The following WTIP variants were observed in gnomAD, a reference collection of about 807,000 sequenced individuals.
The protein encoded by WTIP is WT1 interacting protein, also known as Wilms tumor protein 1-interacting protein.
WTIP carries 23 observed loss-of-function variants against 41.7 expected under a neutral mutation model. The ratio of observed to expected loss-of-function variants is 0.55; its 90% CI spans 0.40 to 0.78. The LOEUF (loss-of-function observed/expected upper bound fraction) is 0.78, where lower values mean the gene tolerates loss of function less well. Among genes scored for constraint, WTIP ranks in the 30% least tolerant of loss-of-function variants. The pLI is 0.00. For missense variants in WTIP, 619 were observed against 610.5 expected (o/e 1.01, Z -0.15); for synonymous variants, 314 against 269.9 (o/e 1.16, Z -1.60).
In WTIP at chr19:34,482,132, G is replaced by T; in HGVS notation, c.158G>T (p.Gly53Val). ...DEAAPALGRR[G>V]KGSGGPEAGA... ...GCGGCGCCCGCGCTGGGCCGCAGAG[G>T]GAAGGGCAGCGGCGGCCCCGAGGCC... is the stretch of plus-strand genomic sequence containing the variant. The change falls in exon 1 of 8, where the codon GGG becomes GTG. Residue 53 changes from glycine to valine, a missense_variant. Around this residue, in one of 3 missense-constraint regions of WTIP, gnomAD observed 363 missense variants for 309.0 expected, o/e 1.17. Coordinates refer to ENST00000590071, the MANE Select transcript of WTIP (RefSeq NM_001080436.2). 1 of 1,056,260 alleles carries T rather than the reference G, an allele frequency of 9.5e-7. No individual in the cohort carries two copies. Among genetic ancestry groups the T allele is most frequent in the Non-Finnish European group, 1.1e-6 (1 of 877,488 alleles). 65.4% of individuals were successfully genotyped at this position (1,056,260 alleles called of 1,614,324 possible). A position where few individuals can be genotyped will look rare whatever the true frequency, so the allele number is the denominator to read the frequency against.
rs1228092045 is a variant in WTIP at position 34,490,398 on chromosome 19, TGGCATCTACGGAGCCCAGCA to T, written c.694_713del (p.Ile232ValfsTer11). On this transcript the variant is annotated frameshift_variant, in exon 2 of 8. Transcript: ENST00000590071. LOFTEE classifies it high-confidence loss of function. ...TAGGCATTTGCATCAAGTGTGGGCT[TGGCATCTACGGAGCCCAGCA>T]GGCGTGCCAGGCAATGGGGAGTCTT... is the stretch of plus-strand genomic sequence containing the variant. 1 of 1,613,908 alleles carries T rather than the reference TGGCATCTACGGAGCCCAGCA, an allele frequency of 6.2e-7. No homozygotes were observed. Among genetic ancestry groups the T allele is most frequent in the Non-Finnish European group, 8.5e-7 (1 of 1,179,900 alleles).
At chr19:34,482,856 C>G in intron 1 of WTIP, 2 of 937,360 alleles carry the variant, frequency 2.1e-6, no homozygotes, top group Non-Finnish European at 1.3e-6. Context: ...GCGGCTTCAC[C>G]CCTGCCTCTG....
At position 34,487,102 on chromosome 19, in the gene WTIP, C is replaced by CAT. The variant is rs748323710; in HGVS notation, c.668-3274_668-3273insAT. Among the ~76,000 whole-genome samples the CAT allele has an allele frequency of 1.1e-3, 105 of 96,736 alleles. 1 individual carries two copies. Among genetic ancestry groups the CAT allele is most frequent in the African/African-American group, 5.1e-3 (100 of 19,642 alleles). The allele number at this position is 96,736 out of a possible 152,430, so 63.5% of individuals were successfully genotyped here. ...AGCCACCAAGCCCAGTCCCTGCCTG[C>CAT]TTTTTTTTTTTTTTTTTTTTGAGAC... On this transcript the variant is annotated intron_variant, in intron 1 of 7. Coordinates refer to ENST00000590071, the MANE Select transcript of WTIP (RefSeq NM_001080436.2).
At chr19:34,482,932 A>C (rs1460835016) in intron 1 of WTIP, among the ~76,000 whole-genome samples, 1 of 150,922 alleles carries the variant, frequency 6.6e-6, no homozygotes, top group Non-Finnish European at 1.5e-5. Flanking sequence ...TTAACAGGCA[A>C]GTCAGGTTCA....
intron 1 of WTIP, 25 bp downstream of exon 1, chr19:34,482,666 C>T (rs948310738): frequency 1.3e-5 from 16 of 1,225,586 alleles, no homozygotes; most frequent in South Asian, 4.2e-5. Context: ...CCCGGCAGTT[C>T]CCTGCGCGCA....
chr19:34,482,323 C>A lies in WTIP; in HGVS notation c.349C>A (p.Arg117Ser). Residue 117 changes from arginine (R) to serine (S), a missense_variant, in exon 1 of 8, where the codon CGC becomes AGC. Coordinates refer to ENST00000590071, the MANE Select transcript of WTIP (RefSeq NM_001080436.2). Reference sequence around the variant, plus strand: ...CGGCATCAGCCTGGGCTACGACCAGCGCCACGGCAGCCCGCGCTCCGGTCG... The same window carrying A: ...CGGCATCAGCCTGGGCTACGACCAGAGCCACGGCAGCCCGCGCTCCGGTCG... ...SSGISLGYDQ[R>S]HGSPRSGRSD... 1 of 1,383,232 alleles carries A rather than the reference C, an allele frequency of 7.2e-7. No individual in the cohort carries two copies. The highest frequency in any genetic ancestry group is 1.4e-5 in the South Asian group (1 of 71,128). The allele number at this position is 1,383,232 out of a possible 1,614,324, so 85.7% of individuals were successfully genotyped here. A position where few individuals can be genotyped will look rare whatever the true frequency, so the allele number is the denominator to read the frequency against.
At chr19:34,495,139 T>C (rs1029932000) in intron 6 of WTIP, among the ~76,000 whole-genome samples, 3 of 152,186 alleles carry the variant, frequency 2.0e-5, no homozygotes, top group Non-Finnish European at 4.4e-5. Flanking sequence ...CCCACGCCTG[T>C]AATCCCAGCA....
At chr19:34,482,760 C>T (rs1368630257) in intron 1 of WTIP, 119 bp downstream of exon 1, 14 of 1,200,316 alleles carry the variant, frequency 1.2e-5, no homozygotes, top group Admixed American at 4.4e-5. Context: ...GGGGGTGCAG[C>T]AGTGCACGGG....
At position 34,494,391 on chromosome 19, in the gene WTIP, T is replaced by TA. The variant is rs1238384563; in HGVS notation, c.1032-182dup. On this transcript the variant is annotated intron_variant, in intron 5 of 7. Transcript: ENST00000590071. ...CAACATAGTGAGACCCCATTTCTAT[T>TA]AAAAAAAAAAAAAGAAGAGGCCAGT... Among the ~76,000 whole-genome samples the TA allele has an allele frequency of 4.9e-3, 692 of 140,764 alleles. 5 individuals are homozygous for TA. The highest frequency in any genetic ancestry group is 0.013 in the African/African-American group (496 of 38,294). The allele number at this position is 140,764 out of a possible 152,430, so 92.3% of individuals were successfully genotyped here. A position where few individuals can be genotyped will look rare whatever the true frequency, so the allele number is the denominator to read the frequency against.
At position 34,482,499 on chromosome 19, in the gene WTIP, G is replaced by T. The variant is rs1290779119; in HGVS notation, c.525G>T (p.Ala175=). The T allele has an allele frequency of 6.5e-6, 8 of 1,234,648 alleles. No homozygotes were observed. The highest frequency in any genetic ancestry group is 8.1e-6 in the Non-Finnish European group (8 of 991,500). The allele number at this position is 1,234,648 out of a possible 1,614,324, so 76.5% of individuals were successfully genotyped here. A position where few individuals can be genotyped will look rare whatever the true frequency, so the allele number is the denominator to read the frequency against. ...CPAPARSPEP[A]GPAPFPLPAL... is the part of the protein sequence containing the mutation. ...CGCCCGCTCGCTCCCCGGAGCCTGC[G>T]GGGCCGGCTCCCTTCCCGCTGCCTG... The change falls in exon 1 of 8, where the codon GCG becomes GCT. Residue 175 remains alanine (A), a synonymous_variant. Transcript: ENST00000590071.
At chr19:34,498,173 G>T (rs781134105) in intron 7 of WTIP, among the ~76,000 whole-genome samples, 4 of 152,132 alleles carry the variant, frequency 2.6e-5, no homozygotes, top group African/African-American at 7.2e-5. Context: ...GGTGTCAGGG[G>T]CTCTGGGTAA....
rs1052545767 is a variant in WTIP at position 34,506,412 on chromosome 19, A to G, written c.*6143A>G. 2.0e-5 allele frequency: 3 copies of G among 152,012 alleles called. No individual in the cohort carries two copies. The highest frequency in any genetic ancestry group is 2.1e-4 in the South Asian group (1 of 4,818). 9.4% of individuals were successfully genotyped at this position (152,012 alleles called of 1,614,324 possible). A position where few individuals can be genotyped will look rare whatever the true frequency, so the allele number is the denominator to read the frequency against. On this transcript the variant is annotated 3_prime_UTR_variant, in exon 8 of 8. Transcript: ENST00000590071. ...GGGAATTTTAACTTTTTATCATCCTATTTACTCTGGAAAGCCTTGTCTCGT... is the reference window on the plus strand; with the variant it reads ...GGGAATTTTAACTTTTTATCATCCTGTTTACTCTGGAAAGCCTTGTCTCGT...
intron 1 of WTIP, among the ~76,000 whole-genome samples, chr19:34,482,976 C>T (rs181518520): frequency 9.3e-4 from 130 of 139,574 alleles, no homozygotes; most frequent in Non-Finnish European, 1.7e-3. Context: ...ATAATTTTTT[C>T]TTCTTTCTTC....
rs1453443228 is a variant in WTIP at position 34,502,190 on chromosome 19, G to A, written c.*1921G>A. On this transcript the variant is annotated 3_prime_UTR_variant, in exon 8 of 8. Coordinates refer to ENST00000590071, the MANE Select transcript of WTIP (RefSeq NM_001080436.2). ...GCTGGTCTCCAACTGCTGACCTCAG[G>A]GGCGATCCACCCACCTCAGCCTCCC... is the stretch of plus-strand genomic sequence containing the variant. The A allele has an allele frequency of 1.3e-5, 2 of 151,636 alleles. No individual in the cohort carries two copies. The highest frequency in any genetic ancestry group is 2.4e-5 in the African/African-American group (1 of 41,184). The allele number at this position is 151,636 out of a possible 1,614,324, so 9.4% of individuals were successfully genotyped here.
intron 1 of WTIP, among the ~76,000 whole-genome samples, chr19:34,485,056 G>A (rs1447788690): frequency 6.6e-6 from 1 of 151,684 alleles, no homozygotes; most frequent in Non-Finnish European, 1.5e-5. Context: ...TTGAGATTCA[G>A]TAATACTTTC....
At chr19:34,487,564 G>A (rs577124310) in intron 1 of WTIP, among the ~76,000 whole-genome samples, 2 of 152,312 alleles carry the variant, frequency 1.3e-5, no homozygotes, top group Admixed American at 1.3e-4. Context: ...GAGAGGAAGA[G>A]GTGGGCCACC....
Position 34,493,157 on chromosome 19 carries a change from C to T in WTIP, c.837+53C>T. The T allele has an allele frequency of 6.2e-7, 1 of 1,613,262 alleles. No individual in the cohort carries two copies. On this transcript the variant is annotated intron_variant, in intron 3 of 7. Transcript: ENST00000590071. The surrounding 1 kb of genome is among the most constrained non-coding windows in gnomAD (Gnocchi z 4.1). The stretch of plus-strand genomic sequence containing the variant: ...CCAGGGGTGGGAGGTGGGGCAGGGA[C>T]CCTCATTCTGACTCGAGTGGAGACC...
In WTIP at chr19:34,500,614, G is replaced by A. The variant is rs73584689; in HGVS notation, c.*345G>A. 3.3e-3 allele frequency: 804 copies of A among 242,162 alleles called. 13 individuals carry two copies. The highest frequency in any genetic ancestry group is 0.017 in the African/African-American group (763 of 45,172). 15.0% of individuals were successfully genotyped at this position (242,162 alleles called of 1,614,324 possible). A position where few individuals can be genotyped will look rare whatever the true frequency, so the allele number is the denominator to read the frequency against. ...GACCCGGCTGCATTGCTGGGTGGGA[G>A]CTGCTGTCTGTTGTTCAGGGGCCTG... is the stretch of plus-strand genomic sequence containing the variant. On this transcript the variant is annotated 3_prime_UTR_variant, in exon 8 of 8. Transcript: ENST00000590071.
rs926143782 is a variant in WTIP at position 34,509,030 on chromosome 19, G to A, written c.*8761G>A. 2.0e-5 allele frequency: 3 copies of A among 152,148 alleles called. No homozygotes were observed. The highest frequency in any genetic ancestry group is 2.0e-4 in the Admixed American group (3 of 15,278). 9.4% of individuals were successfully genotyped at this position (152,148 alleles called of 1,614,324 possible). ...TGGACCTGGCTTTTATAAATCATGC[G>A]GTGATAAATAATATGGCAGTTAGAG... is the stretch of plus-strand genomic sequence containing the variant. On this transcript the variant is annotated 3_prime_UTR_variant, in exon 8 of 8. Transcript: ENST00000590071.
Sources: allele counts gnomAD v4.1 joint callset (sites outside exome capture counted in the v4.1 genomes callset), GRCh38; gene constraint gnomAD v4.1.1; regional missense constraint gnomAD v4.1.1; non-coding constraint Gnocchi (gnomAD v3.1); transcripts MANE v1.5; gene names NCBI Gene and HGNC (gene_info 2026-07-23, HGNC 2026-07-21).